PCDHGB3: variants seen among roughly 807,000 people sequenced by gnomAD.
PCDHGB3 encodes the protein protocadherin gamma-B3.
Under a neutral mutation model 59.2 loss-of-function variants are expected in PCDHGB3, and 40 were observed. The ratio of observed to expected loss-of-function variants is 0.68; its 90% confidence interval spans 0.52 to 0.88. PCDHGB3 has a LOEUF of 0.88. Among genes scored for constraint, PCDHGB3 ranks in the 40% least tolerant of loss-of-function variants. PCDHGB3 has a pLI of 0.00. For missense variants in PCDHGB3, 1,309 were observed against 1,187.9 expected (o/e 1.10, Z -1.50); for synonymous variants, 581 against 503.6 (o/e 1.15, Z -2.06).
chr5:141,400,198 G>A (rs559051247), intron 1 of PCDHGB3: 4 of 1,613,926 alleles, frequency 2.5e-6, no homozygotes, highest in Non-Finnish European at 2.5e-6. Flanking sequence ...CCTAGTGGTG[G>A]CCTTGGCCTT....
intron 1 of PCDHGB3, among the ~76,000 whole-genome samples, chr5:141,456,703 G>T (rs528071544): frequency 1.3e-5 from 2 of 152,062 alleles, no homozygotes; most frequent in Non-Finnish European, 2.9e-5. Context: ...GGTGGCTCGC[G>T]CCTGTAATCC....
Position 141,485,606 on chromosome 5 carries a change from G to T in PCDHGB3, c.2416-9201G>T, listed in dbSNP as rs2099616630. On this transcript the variant is annotated intron_variant, in intron 1 of 3. Transcript: ENST00000576222. The surrounding 1 kb of genome is among the most constrained non-coding windows in gnomAD (Gnocchi z 5.7). ...GCAGCTGGACTTGGAAATTGGGGAG[G>T]CAGCTCCTCCAGGACAGCGTTTCCC... is the stretch of plus-strand genomic sequence containing the variant. 1.2e-6 allele frequency: 2 copies of T among 1,612,362 alleles called. No homozygotes were observed. The highest frequency in any genetic ancestry group is 4.5e-5 in the East Asian group (2 of 44,840).
chr5:141,474,321 A>G (rs75620387), intron 1 of PCDHGB3, among the ~76,000 whole-genome samples: 2,046 of 152,326 alleles, frequency 0.013, 15 homozygotes, highest in Middle Eastern at 0.034. Context: ...GTGTTTTCAA[A>G]TCACCCTGAT....
At chr5:141,497,768 G>A (rs920949258) in intron 2 of PCDHGB3, among the ~76,000 whole-genome samples, 8 of 152,070 alleles carry the variant, frequency 5.3e-5, no homozygotes, top group East Asian at 1.9e-4. Flanking sequence ...CAAACTCCCC[G>A]ACCTCAACTG....
At chr5:141,404,058 T>C (rs1411363585) in intron 1 of PCDHGB3, 1 of 1,613,778 alleles carries the variant, frequency 6.2e-7, no homozygotes, top group Non-Finnish European at 8.5e-7. Flanking sequence ...ATTCTTCTTT[T>C]CAATGCTCAT....
rs1000935525 is a variant in PCDHGB3 at position 141,512,962 on chromosome 5, G to A, written c.*1789G>A. The A allele has an allele frequency of 1.3e-5, 2 of 152,030 alleles. No individual in the cohort carries two copies. The highest frequency in any genetic ancestry group is 4.8e-5 in the African/African-American group (2 of 41,366). The allele number at this position is 152,030 out of a possible 1,614,324, so 9.4% of individuals were successfully genotyped here. ...TTCTTCGACAAAAAAATAATAAAACGTTTCTTCTGAAAAGCTGAACGTTTC... is the reference window on the plus strand; with the variant it reads ...TTCTTCGACAAAAAAATAATAAAACATTTCTTCTGAAAAGCTGAACGTTTC... On this transcript the variant is annotated 3_prime_UTR_variant, in exon 4 of 4. Transcript: ENST00000576222.
chr5:141,372,804 CA>C lies in PCDHGB3; in HGVS notation c.2414del (p.Lys805SerfsTer44). The C allele has an allele frequency of 2.5e-6, 4 of 1,592,244 alleles. No homozygotes were observed. In the Middle Eastern group the frequency reaches 6.7e-4, roughly 266 times the overall value. On this transcript the variant is annotated frameshift_variant, in exon 1 of 4. Coordinates refer to ENST00000576222, the MANE Select transcript of PCDHGB3 (RefSeq NM_018924.5). LOFTEE classifies it high-confidence loss of function. ...PEMPSNSGNL[Q>X]KQAPPNTDWR... ...AATGCCTTCTAATTCAGGCAATTTG[CA>C]AAAGGTGAGTTTCTTCAAACCTTTC...
At chr5:141,405,217 G>A in intron 1 of PCDHGB3, 9 of 1,614,024 alleles carry the variant, frequency 5.6e-6, no homozygotes, top group Non-Finnish European at 7.6e-6. Context: ...CCTATTCTCA[G>A]GAGTTCTCCC....
At chr5:141,473,858 C>G (rs569473917) in intron 1 of PCDHGB3, among the ~76,000 whole-genome samples, 1 of 152,286 alleles carries the variant, frequency 6.6e-6, no homozygotes, top group Admixed American at 6.5e-5. Flanking sequence ...ATGAACCTCG[C>G]TATTGTGGAG....
rs769641310 is a variant in PCDHGB3, at chr5:141,477,421, T to G, written c.2416-17386T>G. 1.7e-5 allele frequency: 28 copies of G among 1,614,172 alleles called. No individual in the cohort carries two copies. Among genetic ancestry groups the G allele is most frequent in the Non-Finnish European group, 2.3e-5 (27 of 1,180,028 alleles). On this transcript the variant is annotated intron_variant, in intron 1 of 3. Coordinates refer to ENST00000576222, the MANE Select transcript of PCDHGB3 (RefSeq NM_018924.5). The surrounding 1 kb of genome is among the most constrained non-coding windows in gnomAD (Gnocchi z 4.9). ...TCACCGCCCGAGACGCCGGAACCCC[T>G]TCCCTCTCAGCCCTTACAATAGTGC...
chr5:141,410,528 A>G (rs1464482105), intron 1 of PCDHGB3: 3 of 1,613,852 alleles, frequency 1.9e-6, no homozygotes, highest in Non-Finnish European at 2.5e-6. Flanking sequence ...CCTACATTCC[A>G]ATGAAGACAT....
intron 1 of PCDHGB3, chr5:141,375,358 G>A (rs1436482456): frequency 1.2e-6 from 2 of 1,613,810 alleles, no homozygotes; most frequent in Non-Finnish European, 8.5e-7. Context: ...TGACAGCCAC[G>A]GACAAAGGAA....
At position 141,490,490 on chromosome 5, in the gene PCDHGB3, C is replaced by T; in HGVS notation, c.2416-4317C>T. 1 of 1,614,184 alleles carries T rather than the reference C, an allele frequency of 6.2e-7. No homozygotes were observed. The highest frequency in any genetic ancestry group is 8.5e-7 in the Non-Finnish European group (1 of 1,180,028). The stretch of plus-strand genomic sequence containing the variant: ...AGCCAGCCTTTGGACCGGGAGGCCA[C>T]ATCCCACTATATCATCGAGCTGCTG... On this transcript the variant is annotated intron_variant, in intron 1 of 3. Coordinates refer to ENST00000576222, the MANE Select transcript of PCDHGB3 (RefSeq NM_018924.5). The surrounding 1 kb of genome is among the most constrained non-coding windows in gnomAD (Gnocchi z 5.4).
At chr5:141,404,221 T>C (rs1028021504) in intron 1 of PCDHGB3, 2 of 1,613,766 alleles carry the variant, frequency 1.2e-6, no homozygotes, top group Non-Finnish European at 1.7e-6. Context: ...TCACGGTGAC[T>C]GCAACAGACA....
intron 1 of PCDHGB3, chr5:141,419,333 A>T (rs1219255880): frequency 6.2e-7 from 1 of 1,613,804 alleles, no homozygotes; most frequent in South Asian, 1.1e-5. Context: ...CTACTCTCTC[A>T]TTGCCAGCGA....
intron 1 of PCDHGB3, among the ~76,000 whole-genome samples, chr5:141,454,831 A>C (rs1489772379): frequency 1.3e-5 from 1 of 78,366 alleles, no homozygotes; most frequent in African/African-American, 6.7e-5. Context: ...TTTTTGAGAC[A>C]GAGTCGCGCT....
chr5:141,400,027 GC>G (rs746080003), intron 1 of PCDHGB3: 8 of 1,612,664 alleles, frequency 5.0e-6, no homozygotes, highest in Admixed American at 1.7e-5. Flanking sequence ...CAGGGACGCG[GC>G]CCGCCAGCGC....
At position 141,371,014 on chromosome 5, in the gene PCDHGB3, A is replaced by T; in HGVS notation, c.620A>T (p.His207Leu). 6.2e-7 allele frequency: 1 copy of T among 1,614,008 alleles called. No homozygotes were observed. Among genetic ancestry groups the T allele is most frequent in the Non-Finnish European group, 8.5e-7 (1 of 1,179,900 alleles). Reference protein sequence around the residue: ...KAPLDREEQPHHHLVLTAVDG... With the variant: ...KAPLDREEQPLHHLVLTAVDG... The stretch of plus-strand genomic sequence containing the variant: ...CCCCTGGACAGGGAAGAGCAGCCAC[A>T]TCACCACCTGGTCCTCACAGCTGTG... Residue 207 changes from histidine (H) to leucine (L), a missense_variant, in exon 1 of 4, where the codon CAT (histidine) becomes CTT (leucine). Transcript: ENST00000576222.
At chr5:141,467,167 C>T (rs2099138606) in intron 1 of PCDHGB3, among the ~76,000 whole-genome samples, 1 of 151,832 alleles carries the variant, frequency 6.6e-6, no homozygotes, top group Non-Finnish European at 1.5e-5. Context: ...ATTCTCATCT[C>T]TCAGCCTCCC....
Sources: gnomAD v4.1 joint callset for allele counts (sites outside exome capture counted in the v4.1 genomes callset) on GRCh38, gnomAD v4.1.1 for gene constraint, Gnocchi (gnomAD v3.1) non-coding constraint, MANE v1.5 for transcripts, NCBI Gene and HGNC (gene_info 2026-07-23, HGNC 2026-07-21) for gene names.